The following OSBPL10 variants were observed in gnomAD, a reference collection of about 807,000 sequenced individuals.
The protein encoded by OSBPL10 is oxysterol binding protein like 10.
A neutral mutation model predicts 81.7 loss-of-function variants in OSBPL10; 49 were observed. The ratio of observed to expected loss-of-function variants is 0.60; its 90% CI spans 0.48 to 0.76. The LOEUF (loss-of-function observed/expected upper bound fraction) is 0.76. Among genes scored for constraint, OSBPL10 ranks in the 30% least tolerant of loss-of-function variants. OSBPL10 has a pLI of 0.00. For missense variants in OSBPL10, 923 were observed against 987.8 expected (o/e 0.93, Z 0.88); for synonymous variants, 419 against 383.6 (o/e 1.09, Z -1.08).
intron 1 of OSBPL10, among the ~76,000 whole-genome samples, chr3:31,960,829 T>G (rs890462801): frequency 6.6e-6 from 1 of 152,054 alleles, no homozygotes; most frequent in African/African-American, 2.4e-5. Context: ...TTACCAGCAC[T>G]CTCTCTTACA....
At chr3:31,915,189 T>A (rs542555633) in intron 1 of OSBPL10, among the ~76,000 whole-genome samples, 1 of 151,642 alleles carries the variant, frequency 6.6e-6, no homozygotes, top group African/African-American at 2.4e-5. Context: ...AGCCATTGAA[T>A]GGTAACAGGG....
chr3:31,892,526 C>T (rs1022051629), intron 1 of OSBPL10, among the ~76,000 whole-genome samples: 1 of 151,730 alleles, frequency 6.6e-6, no homozygotes, highest in African/African-American at 2.4e-5. Flanking sequence ...ACATTCTCTC[C>T]CCAAAAAAGT....
intron 8 of OSBPL10, 149 bp from the exon 9 acceptor site, chr3:31,671,132 G>T: frequency 1.3e-6 from 1 of 751,738 alleles, no homozygotes. Context: ...GTTCACTGTG[G>T]GCTCTACTGT....
At chr3:31,844,063 T>C (rs1308653807) in intron 3 of OSBPL10, among the ~76,000 whole-genome samples, 1 of 152,224 alleles carries the variant, frequency 6.6e-6, no homozygotes, top group African/African-American at 2.4e-5. Context: ...TATGATAAGA[T>C]GGCTGAGATT....
chr3:31,823,950 C>G (rs1439085039), intron 4 of OSBPL10, among the ~76,000 whole-genome samples: 1 of 152,058 alleles, frequency 6.6e-6, no homozygotes, highest in African/African-American at 2.4e-5. Flanking sequence ...TGCCCAGGCT[C>G]AAAGGATTCT....
intron 4 of OSBPL10, among the ~76,000 whole-genome samples, chr3:31,778,818 AG>A (rs1698614110): frequency 6.6e-6 from 1 of 152,214 alleles, no homozygotes. Context: ...GTGAGGCAAA[AG>A]CATCAGGTAA....
chr3:32,073,274 T>C (rs1699845269), intron 1 of OSBPL10, among the ~76,000 whole-genome samples: 2 of 152,158 alleles, frequency 1.3e-5, no homozygotes, highest in African/African-American at 2.4e-5. Flanking sequence ...AGGCTGCTAA[T>C]CTTCTCTTGC....
At chr3:31,906,085 T>G (rs901879179) in intron 1 of OSBPL10, among the ~76,000 whole-genome samples, 1 of 152,174 alleles carries the variant, frequency 6.6e-6, no homozygotes, top group African/African-American at 2.4e-5. Flanking sequence ...GTCCATCACT[T>G]CAGTTGGCTC....
chr3:31,953,776 C>G (rs1697934554), intron 1 of OSBPL10, among the ~76,000 whole-genome samples: 1 of 152,172 alleles, frequency 6.6e-6, no homozygotes, highest in South Asian at 2.1e-4. Flanking sequence ...AAAAAAGAGA[C>G]AGCTAAACTT....
intron 3 of OSBPL10, among the ~76,000 whole-genome samples, chr3:31,843,452 T>A (rs552575610): frequency 2.9e-4 from 44 of 152,326 alleles, no homozygotes; most frequent in African/African-American, 9.6e-4. Context: ...ATTTTGTTCC[T>A]CTTGCTCTCC....
chr3:31,775,162 ACT>A (rs1244967800), intron 4 of OSBPL10, among the ~76,000 whole-genome samples: 2 of 151,588 alleles, frequency 1.3e-5, no homozygotes, highest in African/African-American at 2.4e-5. Context: ...ACAGAGTGAG[ACT>A]CTCTCTCTCC....
chr3:31,699,281 A>T (rs1476016060), intron 7 of OSBPL10, among the ~76,000 whole-genome samples: 1 of 152,082 alleles, frequency 6.6e-6, no homozygotes, highest in Non-Finnish European at 1.5e-5. Flanking sequence ...TCCCCTTCAC[A>T]TGGCCCATAG....
At chr3:31,693,000 C>T (rs996376605) in intron 7 of OSBPL10, among the ~76,000 whole-genome samples, 1 of 152,224 alleles carries the variant, frequency 6.6e-6, no homozygotes, top group African/African-American at 2.4e-5. Context: ...AACAGATTTA[C>T]ACAGACAAGC....
intron 7 of OSBPL10, among the ~76,000 whole-genome samples, chr3:31,702,118 A>G (rs1172397735): frequency 6.6e-6 from 1 of 152,174 alleles, no homozygotes; most frequent in African/African-American, 2.4e-5. Context: ...GCCCTTGTAG[A>G]GTAGCAACAA....
chr3:31,935,616 T>C (rs1697364051), intron 1 of OSBPL10, among the ~76,000 whole-genome samples: 1 of 151,858 alleles, frequency 6.6e-6, no homozygotes, highest in Admixed American at 6.6e-5. Context: ...CTCTGTCTCC[T>C]GGGTTCAAGC....
At chr3:31,712,470 G>A (rs566691811) in intron 6 of OSBPL10, among the ~76,000 whole-genome samples, 16 of 152,334 alleles carry the variant, frequency 1.1e-4, no homozygotes, top group East Asian at 3.9e-4. Flanking sequence ...AACATGAATC[G>A]CTAAAGTTAG....
intron 1 of OSBPL10, among the ~76,000 whole-genome samples, chr3:31,901,604 G>C (rs140945000): frequency 6.6e-6 from 1 of 152,084 alleles, no homozygotes; most frequent in African/African-American, 2.4e-5. Context: ...TGCCTCCCTC[G>C]CATTTCTCAC....
chr3:31,965,606 A>C (rs539816716), intron 1 of OSBPL10, among the ~76,000 whole-genome samples: 1 of 66,552 alleles, frequency 1.5e-5, no homozygotes, highest in East Asian at 7.4e-4. Context: ...ATTATATAAT[A>C]TATTATATAA....
chr3:31,692,879 A>G (rs1415346899), intron 7 of OSBPL10, among the ~76,000 whole-genome samples: 1 of 152,242 alleles, frequency 6.6e-6, no homozygotes, highest in East Asian at 1.9e-4. Flanking sequence ...AAGGGGCCTG[A>G]AGACTACCAT....
Sources: gnomAD v4.1 joint callset for allele counts (sites outside exome capture counted in the v4.1 genomes callset) on GRCh38, gnomAD v4.1.1 for gene constraint, MANE v1.5 for transcripts, NCBI Gene and HGNC (gene_info 2026-07-23, HGNC 2026-07-21) for gene names.